RYR3: variants seen among roughly 807,000 people sequenced by gnomAD.
RYR3 encodes ryanodine receptor 3, also known as brain ryanodine receptor-calcium release channel.
In RYR3, 207 loss-of-function variants were observed where a neutral mutation model predicts 584.3. The ratio of observed to expected loss-of-function variants is 0.35; its 90% confidence interval spans 0.32 to 0.40. The LOEUF (loss-of-function observed/expected upper bound fraction) is 0.40, where lower values mean the gene tolerates loss of function less well. Among genes scored for constraint, RYR3 ranks in the 10% least tolerant of loss-of-function variants. RYR3 has a pLI of 1.00. For missense variants in RYR3, 5,616 were observed against 6,089.2 expected, an observed-to-expected ratio of 0.92 and a Z score of 2.59; for synonymous variants, 2,416 against 2,248.5, an observed-to-expected ratio of 1.07 and a Z score of -2.11.
intron 1 of RYR3, among the ~76,000 whole-genome samples, chr15:33,315,337 C>T (rs1028031217): frequency 6.6e-6 from 1 of 152,106 alleles, no homozygotes; most frequent in Non-Finnish European, 1.5e-5. Flanking sequence ...CTGCATGAAG[C>T]CTGTGTTTTG....
At chr15:33,640,055 A>G (rs1239550643) in intron 27 of RYR3, among the ~76,000 whole-genome samples, 4 of 148,914 alleles carry the variant, frequency 2.7e-5, no homozygotes, top group Non-Finnish European at 5.9e-5. Flanking sequence ...CCTGAGGGAC[A>G]TGCTGCCTCT....
At chr15:33,517,464 A>G (rs539985420) in intron 3 of RYR3, among the ~76,000 whole-genome samples, 10 of 152,336 alleles carry the variant, frequency 6.6e-5, no homozygotes, top group African/African-American at 2.4e-4. Context: ...ATTTCACACA[A>G]CATGTCACCA....
chr15:33,562,377 T>C (rs1163326535), intron 10 of RYR3, among the ~76,000 whole-genome samples: 1 of 152,176 alleles, frequency 6.6e-6, no homozygotes, highest in East Asian at 1.9e-4. Flanking sequence ...TTATAAGAAA[T>C]TTTTACATGA....
At chr15:33,426,116 T>C (rs1596081079) in intron 1 of RYR3, among the ~76,000 whole-genome samples, 1 of 152,234 alleles carries the variant, frequency 6.6e-6, no homozygotes, top group East Asian at 1.9e-4. Context: ...GCAGTGTGAG[T>C]CAGGAGAAAA....
intron 1 of RYR3, among the ~76,000 whole-genome samples, chr15:33,328,009 C>T (rs8029681): frequency 0.42 from 64,525 of 151,976 alleles, 15,008 homozygotes; most frequent in African/African-American, 0.61. Flanking sequence ...AATAAAATTT[C>T]AAAAGGGGGT....
Position 33,810,987 on chromosome 15 carries a change from G to C in RYR3, c.10207G>C (p.Asp3403His). 6.2e-7 allele frequency: 1 copy of C among 1,608,030 alleles called. No individual in the cohort carries two copies. The highest frequency in any genetic ancestry group is 1.7e-4 in the Middle Eastern group (1 of 6,060). ...AKSRYSHRDT[D>H]EEVREHLRNN... is the part of the protein sequence containing the mutation. ...ACATCTCTTTCCACAGAGGGACACA[G>C]ATGAAGAGGTCAGAGAACATCTGCG... The change falls in exon 72 of 104, where the codon GAT (aspartate) becomes CAT (histidine). Residue 3403 changes from aspartate (D) to histidine (H), a missense_variant. Asp to His is a moderately conservative substitution (Grantham distance 81). Transcript: ENST00000634891.
At chr15:33,809,468 A>G (rs12899100) in intron 70 of RYR3, among the ~76,000 whole-genome samples, 5,524 of 152,154 alleles carry the variant, frequency 0.036, 187 homozygotes, top group Middle Eastern at 0.068. Flanking sequence ...ACCTGGAATC[A>G]TGAAATCTGA....
intron 1 of RYR3, among the ~76,000 whole-genome samples, chr15:33,359,748 A>G (rs895507918): frequency 2.0e-5 from 3 of 151,888 alleles, no homozygotes; most frequent in African/African-American, 7.3e-5. Context: ...CCTCCGAAGT[A>G]GCTGGGACTA....
rs1208914812 is a variant in RYR3 at position 33,425,743 on chromosome 15, G to A, written c.52-47676G>A. Among the ~76,000 whole-genome samples, 8 of 148,380 alleles carry A rather than the reference G, an allele frequency of 5.4e-5. No individual in the cohort carries two copies. The East Asian group carries it at 1.4e-3, about 27-fold the overall frequency. The stretch of plus-strand genomic sequence containing the variant: ...TGCAAGCTCCGCCTCCCGGGTTCAT[G>A]CCATTCTCCTGCCTCAGCCTCCCGA... On this transcript the variant is annotated intron_variant, in intron 1 of 103. Coordinates refer to ENST00000634891, the MANE Select transcript of RYR3 (RefSeq NM_001036.6).
At chr15:33,393,620 C>T (rs1235661559) in intron 1 of RYR3, among the ~76,000 whole-genome samples, 2 of 152,134 alleles carry the variant, frequency 1.3e-5, no homozygotes, top group South Asian at 2.1e-4. Context: ...AAGGACAATT[C>T]GACAACAAAG....
intron 43 of RYR3, among the ~76,000 whole-genome samples, chr15:33,720,774 C>G (rs910466865): frequency 6.6e-6 from 1 of 151,886 alleles, no homozygotes; most frequent in Non-Finnish European, 1.5e-5. Flanking sequence ...CTCAAGAGGC[C>G]GAGGTGGGAG....
chr15:33,540,929 A>C (rs770688206), intron 7 of RYR3, 39 bp downstream of exon 7: 1 of 1,303,664 alleles, frequency 7.7e-7, no homozygotes, highest in Non-Finnish European at 1.1e-6. Flanking sequence ...GAGCCTGCCT[A>C]TCTCTCTTGA....
chr15:33,605,906 T>A (rs1245398160), intron 18 of RYR3, among the ~76,000 whole-genome samples: 1 of 152,234 alleles, frequency 6.6e-6, no homozygotes, highest in African/African-American at 2.4e-5. Context: ...GTGGTCGTGA[T>A]AAATTATTCT....
intron 1 of RYR3, among the ~76,000 whole-genome samples, chr15:33,372,514 G>T (rs1046978502): frequency 6.6e-6 from 1 of 151,852 alleles, no homozygotes; most frequent in Non-Finnish European, 1.5e-5. Context: ...ACAGGCGCCC[G>T]CCACCACGCC....
At chr15:33,527,039 CAG>C (rs1297630086) in intron 3 of RYR3, among the ~76,000 whole-genome samples, 1 of 152,004 alleles carries the variant, frequency 6.6e-6, no homozygotes, top group Non-Finnish European at 1.5e-5. Context: ...GTCTGAAAAA[CAG>C]AGGAAAACCA....
chr15:33,591,398 A>T (rs2059123925), intron 16 of RYR3, among the ~76,000 whole-genome samples: 1 of 152,142 alleles, frequency 6.6e-6, no homozygotes, highest in Admixed American at 6.5e-5. Context: ...TAATCCTCAT[A>T]GCGCCAAGCT....
Position 33,716,296 on chromosome 15 carries a change from A to G in RYR3, c.6620-6419A>G, listed in dbSNP as rs141946051. Reference sequence around the variant, plus strand: ...CAAGAATGGCCTAACACACTGTTGCATTAGGGATTAAGTTTCAACATAAAT... The same window carrying G: ...CAAGAATGGCCTAACACACTGTTGCGTTAGGGATTAAGTTTCAACATAAAT... On this transcript the variant is annotated intron_variant, in intron 43 of 103. Coordinates refer to ENST00000634891, the MANE Select transcript of RYR3 (RefSeq NM_001036.6). Among the ~76,000 whole-genome samples the G allele has an allele frequency of 7.5e-3, 1,143 of 152,326 alleles. 10 individuals are homozygous for G. The highest frequency in any genetic ancestry group is 0.017 in the Middle Eastern group (5 of 292).
At chr15:33,374,447 C>T (rs1420217112) in intron 1 of RYR3, among the ~76,000 whole-genome samples, 1 of 151,716 alleles carries the variant, frequency 6.6e-6, no homozygotes, top group Non-Finnish European at 1.5e-5. Context: ...CATAGATGTA[C>T]ACGTCAGCCA....
At chr15:33,701,659 G>C in intron 42 of RYR3, among the ~76,000 whole-genome samples, 1 of 152,016 alleles carries the variant, frequency 6.6e-6, no homozygotes, top group Non-Finnish European at 1.5e-5. Flanking sequence ...GAGGGGGGTG[G>C]AGAGGAGGGA....
Sources: gnomAD v4.1 joint callset for allele counts (sites outside exome capture counted in the v4.1 genomes callset) on GRCh38, gnomAD v4.1.1 for gene constraint, MANE v1.5 for transcripts, NCBI Gene and HGNC (gene_info 2026-07-23, HGNC 2026-07-21) for gene names.